The following ARHGAP21 variants were observed in gnomAD, a reference collection of about 807,000 sequenced individuals.
The protein encoded by ARHGAP21 is Rho GTPase activating protein 21, also known as rho GTPase-activating protein 21.
A neutral mutation model predicts 164.6 loss-of-function variants in ARHGAP21; 38 were observed. The observed-to-expected ratio is 0.23, with a 90% CI of 0.18 to 0.30. ARHGAP21 has a LOEUF of 0.30. Ranked by LOEUF, ARHGAP21 falls within the 10% of genes least tolerant of loss-of-function variation. The probability of loss-of-function intolerance (pLI) is 1.00; values close to 1 mark genes in which losing one functional copy is unlikely to be tolerated. For synonymous variants in ARHGAP21, 766 were observed against 857.9 expected (o/e 0.89, Z 1.87); for missense variants, 1,822 against 2,370.7 (o/e 0.77, Z 4.81).
intron 17 of ARHGAP21, chr10:24,596,441 C>G: frequency 1.9e-6 from 1 of 518,564 alleles, no homozygotes; most frequent in Non-Finnish European, 3.3e-6. Flanking sequence ...CTTTCTTAAT[C>G]AGGTCCTTGT....
At chr10:24,683,795 C>T (rs140771440) in intron 2 of ARHGAP21, among the ~76,000 whole-genome samples, 1 of 152,342 alleles carries the variant, frequency 6.6e-6, no homozygotes, top group East Asian at 1.9e-4. Context: ...GACATGCACA[C>T]ATCTCACACA....
chr10:24,718,701 T>C (rs1845637566), intron 2 of ARHGAP21, among the ~76,000 whole-genome samples: 2 of 152,182 alleles, frequency 1.3e-5, no homozygotes, highest in Admixed American at 1.3e-4. Flanking sequence ...GTTTACAGTA[T>C]TTCAAAATCA....
chr10:24,604,335 C>T lies in ARHGAP21; in HGVS notation c.2698G>A (p.Val900Ile), dbSNP rs199839426. ...ACCTTGATTCCCTTCAGACTAGATA[C>T]GTGCTTAAAGGACCTGTTGGGGAAA... is the stretch of plus-strand genomic sequence containing the variant. Reference protein sequence around the residue: ...REDAKLSFKHVSSLKGIKIAD... With the variant: ...REDAKLSFKHISSLKGIKIAD... The change falls in exon 12 of 26, where the codon GTA (valine) becomes ATA (isoleucine). Residue 900 changes from valine to isoleucine, a missense_variant. Transcript: ENST00000396432. The T allele has an allele frequency of 1.4e-5, 23 of 1,590,818 alleles. No individual in the cohort carries two copies. The highest frequency in any genetic ancestry group is 5.4e-5 in the African/African-American group (4 of 74,036).
Position 24,602,019 on chromosome 10 carries a change from C to T in ARHGAP21, c.2806G>A (p.Gly936Arg). ...SEVFSDAAKE[G>R]WLHFRPLVTD... ...ACAAGGGGTCGGAAATGAAGCCACC[C>T]TTCCTTGGCAGCATCACTGAAGACC... Residue 936 changes from glycine to arginine, a missense_variant, in exon 13 of 26, where the codon GGG becomes AGG. Physicochemically the swap from Gly to Arg is moderately radical, Grantham distance 125. Transcript: ENST00000396432. 6.2e-7 allele frequency: 1 copy of T among 1,612,168 alleles called. No homozygotes were observed. Among genetic ancestry groups the T allele is most frequent in the Non-Finnish European group, 8.5e-7 (1 of 1,179,870 alleles).
chr10:24,588,699 C>A (rs749892894), intron 25 of ARHGAP21, among the ~76,000 whole-genome samples: 14 of 152,246 alleles, frequency 9.2e-5, no homozygotes, highest in Non-Finnish European at 1.9e-4. Context: ...AAATGTCCCA[C>A]AAACTACTCA....
chr10:24,604,196 T>C lies in ARHGAP21; in HGVS notation c.2721+116A>G, dbSNP rs532568139. On this transcript the variant is annotated intron_variant, in intron 12 of 25. Transcript: ENST00000396432. Reference sequence around the variant, plus strand: ...AATCAGCACAATGTGTATCAAGTATTACATACTTACAGAATAAAAGATTAT... The same window carrying C: ...AATCAGCACAATGTGTATCAAGTATCACATACTTACAGAATAAAAGATTAT... 9.6e-5 allele frequency: 65 copies of C among 680,392 alleles called. 1 individual carries two copies. In the South Asian group the frequency reaches 2.8e-3, roughly 29 times the overall value. 42.1% of individuals were successfully genotyped at this position (680,392 alleles called of 1,614,324 possible). A position where few individuals can be genotyped will look rare whatever the true frequency, so the allele number is the denominator to read the frequency against.
At chr10:24,659,858 T>C (rs1839494685) in intron 4 of ARHGAP21, among the ~76,000 whole-genome samples, 1 of 152,182 alleles carries the variant, frequency 6.6e-6, no homozygotes, top group South Asian at 2.1e-4. Flanking sequence ...ACTGCCTGAG[T>C]TGTAGTCCAG....
At chr10:24,669,929 T>C (rs1303373855) in intron 3 of ARHGAP21, among the ~76,000 whole-genome samples, 1 of 152,222 alleles carries the variant, frequency 6.6e-6, no homozygotes, top group African/African-American at 2.4e-5. Flanking sequence ...TAATAAACAG[T>C]TACATATTAG....
chr10:24,600,160 T>C (rs925594605), intron 14 of ARHGAP21, among the ~76,000 whole-genome samples: 13 of 148,760 alleles, frequency 8.7e-5, no homozygotes, highest in African/African-American at 2.8e-4. Context: ...AGCTGACTTA[T>C]GATTTTTGAA....
Position 24,584,641 on chromosome 10 carries a change from A to G in ARHGAP21, c.5648T>C (p.Ile1883Thr), listed in dbSNP as rs1471031780. Residue 1883 changes from isoleucine to threonine, a missense_variant, in exon 26 of 26, where the codon ATA (isoleucine) becomes ACA (threonine). By Grantham distance (89) the Ile-to-Thr change is moderately conservative. This residue lies in a region of ARHGAP21 where 165 missense variants were observed against 176.6 expected (regional missense o/e 0.93). Coordinates refer to ENST00000396432, the MANE Select transcript of ARHGAP21 (RefSeq NM_020824.4). Reference sequence around the variant, plus strand: ...AGACAAAGGTGTGTCGGTCGTGGCTATTTCTCGTGTGCTTGGGTTCTCTGT... The same window carrying G: ...AGACAAAGGTGTGTCGGTCGTGGCTGTTTCTCGTGTGCTTGGGTTCTCTGT... ...PQTENPSTRE[I>T]ATTDTPLSLH... 4 of 1,613,782 alleles carry G rather than the reference A, an allele frequency of 2.5e-6. No homozygotes were observed. Among genetic ancestry groups the G allele is most frequent in the Non-Finnish European group, 3.4e-6 (4 of 1,179,840 alleles).
chr10:24,615,582 A>C (rs1171199903), intron 9 of ARHGAP21, among the ~76,000 whole-genome samples: 1 of 152,218 alleles, frequency 6.6e-6, no homozygotes, highest in Non-Finnish European at 1.5e-5. Context: ...AAAGAATATG[A>C]AATTTGCAGC....
intron 7 of ARHGAP21, among the ~76,000 whole-genome samples, chr10:24,625,511 T>C (rs1593073304): frequency 7.1e-6 from 1 of 141,438 alleles, no homozygotes. Flanking sequence ...ACTTTCTTTT[T>C]ATTATACCTT....
rs1013934600 is a variant in ARHGAP21, at chr10:24,670,320, A to T, written c.141T>A (p.Gly47=). 8.1e-6 allele frequency: 13 copies of T among 1,609,886 alleles called. No individual in the cohort carries two copies. The highest frequency in any genetic ancestry group is 1.3e-5 in the African/African-American group (1 of 74,950). The stretch of plus-strand genomic sequence containing the variant: ...TTCTTTTCAACGTAACTGTTTTGGG[A>T]CCTGGCCAGGAGAATGTTTCATCTT... ...LSEDETFSWP[G]PKTVTLKRTS... Residue 47 remains glycine (G), a synonymous_variant, in exon 3 of 26, where the codon GGT becomes GGA. Transcript: ENST00000396432.
intron 4 of ARHGAP21, among the ~76,000 whole-genome samples, chr10:24,658,917 C>T (rs562611167): frequency 2.0e-5 from 3 of 152,194 alleles, no homozygotes; most frequent in South Asian, 2.1e-4. Context: ...ACACAAATGG[C>T]GACAAGCACA....
intron 2 of ARHGAP21, among the ~76,000 whole-genome samples, chr10:24,718,988 T>C (rs1382959791): frequency 6.6e-6 from 1 of 152,034 alleles, no homozygotes; most frequent in East Asian, 1.9e-4. Flanking sequence ...TGAAGCTATA[T>C]GGATATGAAA....
chr10:24,703,088 T>C (rs991363714), intron 2 of ARHGAP21, among the ~76,000 whole-genome samples: 1 of 152,064 alleles, frequency 6.6e-6, no homozygotes, highest in African/African-American at 2.4e-5. Flanking sequence ...AATGGAAAAG[T>C]GTACATAATA....
In ARHGAP21 at chr10:24,620,558, C is replaced by T. The variant is rs1206667068; in HGVS notation, c.1337G>A (p.Arg446Gln). ...CCGTATCTGGACAGACTGGGGCACT[C>T]GATCATGAGAGGTGCTTCGACGTCG... ...QGRRRSTSHD[R>Q]VPQSVQIRQR... The change falls in exon 9 of 26, where the codon CGA (arginine) becomes CAA (glutamine). Residue 446 changes from arginine (R) to glutamine (Q), a missense_variant. Transcript: ENST00000396432. The T allele has an allele frequency of 1.9e-6, 3 of 1,613,854 alleles. No homozygotes were observed. Among genetic ancestry groups the T allele is most frequent in the East Asian group, 2.2e-5 (1 of 44,878 alleles).
intron 17 of ARHGAP21, 165 bp downstream of exon 17, chr10:24,596,575 A>C: frequency 1.1e-6 from 1 of 875,802 alleles, no homozygotes; most frequent in Non-Finnish European, 1.7e-6. Context: ...AATACATTAG[A>C]AAAAAAGCAT....
At position 24,707,424 on chromosome 10, in the gene ARHGAP21, A is replaced by C. The variant is rs188517044; in HGVS notation, c.63+14413T>G. 2.4e-3 allele frequency among the ~76,000 whole-genome samples: 372 copies of C among 152,232 alleles called. 3 individuals are homozygous for C. The highest frequency in any genetic ancestry group is 4.0e-3 in the Non-Finnish European group (274 of 67,996). On this transcript the variant is annotated intron_variant, in intron 2 of 25. Transcript: ENST00000396432. ...AGAATTCTATCCTTGACCTCCCTCT[A>C]ATTTCTTACACTTCCATAGGTGAAG...
Sources: allele counts gnomAD v4.1 joint callset (sites outside exome capture counted in the v4.1 genomes callset), GRCh38; gene constraint gnomAD v4.1.1; regional missense constraint gnomAD v4.1.1; transcripts MANE v1.5; gene names NCBI Gene and HGNC (gene_info 2026-07-23, HGNC 2026-07-21).